SCFD2: variants seen among roughly 807,000 people sequenced by gnomAD.
SCFD2 encodes the protein sec1 family domain-containing protein 2.
A neutral mutation model predicts 58.9 loss-of-function variants in SCFD2; 54 were observed. That is an observed-to-expected ratio of 0.92 (90% CI 0.74 to 1.15). The LOEUF is 1.15. SCFD2 is among the 50% of genes most tolerant of loss of function. SCFD2 has a pLI of 0.00. For synonymous variants in SCFD2, 321 were observed against 335.9 expected (o/e 0.96, Z 0.49); for missense variants, 805 against 836.6 (o/e 0.96, Z 0.47).
At chr4:52,994,016 A>G (rs1190453718) in intron 5 of SCFD2, among the ~76,000 whole-genome samples, 1 of 152,216 alleles carries the variant, frequency 6.6e-6, no homozygotes, top group South Asian at 2.1e-4. Context: ...GTCCCGCTCT[A>G]GACAGCTGGG....
chr4:53,149,270 G>A (rs1726433823), intron 4 of SCFD2, among the ~76,000 whole-genome samples: 1 of 152,178 alleles, frequency 6.6e-6, no homozygotes, highest in Non-Finnish European at 1.5e-5. Context: ...AGATGAGTCT[G>A]CAAAGTCTTT....
chr4:53,296,962 T>C (rs1193727934), intron 3 of SCFD2, among the ~76,000 whole-genome samples: 1 of 152,232 alleles, frequency 6.6e-6, no homozygotes, highest in Non-Finnish European at 1.5e-5. Flanking sequence ...GTGAGTTTCT[T>C]AATCCTCAGT....
rs557830687 is a variant in SCFD2, at chr4:53,107,037, A to G, written c.1561+38296T>C. 3.1e-3 allele frequency among the ~76,000 whole-genome samples: 468 copies of G among 152,328 alleles called. 1 individual carries two copies. Among genetic ancestry groups the G allele is most frequent in the African/African-American group, 0.01 (434 of 41,576 alleles). On this transcript the variant is annotated intron_variant, in intron 5 of 8. Transcript: ENST00000401642. ...ACTAACAGCAGATATCTTGGCAGAC[A>G]CCCTAAAAGCCAGAAGAGAGTGGGG...
rs531001269 is a variant in SCFD2, at chr4:52,882,298, T to A, written c.1962+3449A>T. 6.6e-5 allele frequency among the ~76,000 whole-genome samples: 10 copies of A among 152,318 alleles called. No individual in the cohort carries two copies. The South Asian group carries it at 2.1e-3, about 32-fold the overall frequency. On this transcript the variant is annotated intron_variant, in intron 8 of 8. Coordinates refer to ENST00000401642, the MANE Select transcript of SCFD2 (RefSeq NM_152540.4). ...GGGAAGAGGGATGAATCTCATTTTC[T>A]TTTAAATTCTATGTGGCACAAGAGC... is the stretch of plus-strand genomic sequence containing the variant.
intron 7 of SCFD2, among the ~76,000 whole-genome samples, chr4:52,894,494 A>T (rs1718952621): frequency 1.3e-5 from 2 of 152,238 alleles, no homozygotes; most frequent in South Asian, 4.1e-4. Flanking sequence ...GTTTTAAATT[A>T]AATTAATGTT....
At chr4:53,013,510 C>A (rs1214073549) in intron 5 of SCFD2, among the ~76,000 whole-genome samples, 3 of 152,116 alleles carry the variant, frequency 2.0e-5, no homozygotes, top group Non-Finnish European at 4.4e-5. Context: ...TTTCCTCATT[C>A]ATTCAATTAG....
intron 5 of SCFD2, among the ~76,000 whole-genome samples, chr4:52,971,814 T>C (rs1200160157): frequency 6.6e-6 from 1 of 152,100 alleles, no homozygotes; most frequent in Non-Finnish European, 1.5e-5. Context: ...TAACAGCAGA[T>C]CTCTCCGCAG....
At chr4:52,925,162 G>A (rs888427457) in intron 5 of SCFD2, among the ~76,000 whole-genome samples, 10 of 151,708 alleles carry the variant, frequency 6.6e-5, no homozygotes, top group Non-Finnish European at 1.2e-4. Flanking sequence ...ATCAGTACAT[G>A]GTAAAGCTAA....
chr4:53,125,434 T>C (rs563640845), intron 5 of SCFD2, among the ~76,000 whole-genome samples: 2 of 152,376 alleles, frequency 1.3e-5, no homozygotes, highest in African/African-American at 4.8e-5. Context: ...TTCATTCTTA[T>C]TCTCTTTTAC....
At chr4:53,078,743 T>C (rs529633436) in intron 5 of SCFD2, among the ~76,000 whole-genome samples, 2 of 152,310 alleles carry the variant, frequency 1.3e-5, no homozygotes, top group Admixed American at 1.3e-4. Flanking sequence ...AATGAACCCA[T>C]GTGATCTGAT....
At chr4:53,008,571 G>C (rs1722029667) in intron 5 of SCFD2, among the ~76,000 whole-genome samples, 1 of 152,182 alleles carries the variant, frequency 6.6e-6, no homozygotes, top group Non-Finnish European at 1.5e-5. Flanking sequence ...GGACACTGTA[G>C]CTATGTAAAC....
chr4:53,201,648 A>C (rs1025816882), intron 4 of SCFD2, among the ~76,000 whole-genome samples: 7 of 152,170 alleles, frequency 4.6e-5, no homozygotes, highest in African/African-American at 9.7e-5. Flanking sequence ...CCAACAGTGT[A>C]AAAGTGTTCC....
chr4:53,154,816 C>T (rs1329125314), intron 4 of SCFD2, among the ~76,000 whole-genome samples: 1 of 149,422 alleles, frequency 6.7e-6, no homozygotes, highest in East Asian at 2.0e-4. Flanking sequence ...AAATAGAGGA[C>T]TTTTCCTGGC....
chr4:53,316,541 A>ATTACTGTT (rs1186056111), intron 2 of SCFD2, among the ~76,000 whole-genome samples: 7 of 152,152 alleles, frequency 4.6e-5, no homozygotes, highest in African/African-American at 1.7e-4. Flanking sequence ...TGTTACTAGT[A>ATTACTGTT]TTACTGTTGT....
intron 4 of SCFD2, among the ~76,000 whole-genome samples, chr4:53,181,130 G>C (rs1192449652): frequency 6.6e-6 from 1 of 152,182 alleles, no homozygotes; most frequent in South Asian, 2.1e-4. Flanking sequence ...AATAGAAAAA[G>C]AGGGAATCCT....
At chr4:53,001,297 G>C (rs986728380) in intron 5 of SCFD2, among the ~76,000 whole-genome samples, 1 of 152,186 alleles carries the variant, frequency 6.6e-6, no homozygotes, top group African/African-American at 2.4e-5. Flanking sequence ...AGTCAGGAGA[G>C]CACACAGCAG....
chr4:52,895,186 T>C (rs1040138011), intron 7 of SCFD2, among the ~76,000 whole-genome samples: 1 of 152,100 alleles, frequency 6.6e-6, no homozygotes, highest in Non-Finnish European at 1.5e-5. Context: ...CTTTTTTTTT[T>C]ATACTTTAAG....
At chr4:52,883,410 C>T (rs545739901) in intron 8 of SCFD2, among the ~76,000 whole-genome samples, 18 of 152,302 alleles carry the variant, frequency 1.2e-4, no homozygotes, top group African/African-American at 4.1e-4. Context: ...CTTCCTAGGG[C>T]CTGCTAACTC....
chr4:53,313,554 T>C (rs915361814), intron 3 of SCFD2, 82 bp downstream of exon 3: 165 of 1,552,432 alleles, frequency 1.1e-4, no homozygotes, highest in Non-Finnish European at 1.4e-4. Flanking sequence ...CTAGATTCCA[T>C]GTTGGCTAGC....
Sources: gnomAD v4.1 joint callset for allele counts (sites outside exome capture counted in the v4.1 genomes callset) on GRCh38, gnomAD v4.1.1 for gene constraint, MANE v1.5 for transcripts, NCBI Gene and HGNC (gene_info 2026-07-23, HGNC 2026-07-21) for gene names.